CAMTA1: variants seen among roughly 807,000 people sequenced by gnomAD.
CAMTA1 encodes the protein calmodulin binding transcription activator 1.
A neutral mutation model predicts 170.9 loss-of-function variants in CAMTA1; 27 were observed. That is an observed-to-expected ratio of 0.16 (90% CI 0.12 to 0.22). CAMTA1 has a LOEUF of 0.22. Ranked by LOEUF, CAMTA1 falls within the 10% of genes least tolerant of loss-of-function variation. CAMTA1 has a pLI of 1.00. For synonymous variants in CAMTA1, 833 were observed against 891.5 expected (o/e 0.93, Z 1.17); for missense variants, 1,619 against 2,217.2 (o/e 0.73, Z 5.42).
chr1:7,247,693 C>T (rs925120843), intron 4 of CAMTA1, among the ~76,000 whole-genome samples: 4 of 152,224 alleles, frequency 2.6e-5, no homozygotes, highest in East Asian at 3.9e-4. Flanking sequence ...AAGCACAGTC[C>T]GTGGACCTCA....
At chr1:6,818,447 A>C (rs1416125850) in intron 1 of CAMTA1, among the ~76,000 whole-genome samples, 1 of 152,202 alleles carries the variant, frequency 6.6e-6, no homozygotes, top group African/African-American at 2.4e-5. Context: ...TGGTAACAAT[A>C]GTGTTTTGTA....
At chr1:6,895,635 C>G (rs930944793) in intron 3 of CAMTA1, among the ~76,000 whole-genome samples, 1 of 152,252 alleles carries the variant, frequency 6.6e-6, no homozygotes, top group Non-Finnish European at 1.5e-5. Flanking sequence ...TCTAAGCACC[C>G]TTCCCATACG....
chr1:7,002,074 T>A (rs1438426725), intron 3 of CAMTA1, among the ~76,000 whole-genome samples: 2 of 151,920 alleles, frequency 1.3e-5, no homozygotes, highest in Admixed American at 6.6e-5. Flanking sequence ...ATTTTTGTAT[T>A]TTTAGTAGAG....
At chr1:7,727,834 C>T (rs1275691174) in intron 11 of CAMTA1, among the ~76,000 whole-genome samples, 1 of 152,228 alleles carries the variant, frequency 6.6e-6, no homozygotes, top group African/African-American at 2.4e-5. Flanking sequence ...TCCATCTAAG[C>T]CTTACAACCT....
rs148743037 is a variant in CAMTA1 at position 7,658,099 on chromosome 1, A to G, written c.665-3627A>G. On this transcript the variant is annotated intron_variant, in intron 7 of 22. Transcript: ENST00000303635. ...GACCCAAGACCCTCAAGTGGGGTGT[A>G]GCCTGAAGGCCGAAGCCAGAGGTGG... 5.4e-3 allele frequency among the ~76,000 whole-genome samples: 824 copies of G among 152,316 alleles called. 10 individuals are homozygous for G. The highest frequency in any genetic ancestry group is 0.019 in the African/African-American group (790 of 41,576).
At chr1:7,522,862 G>C (rs945819686) in intron 6 of CAMTA1, among the ~76,000 whole-genome samples, 3 of 152,118 alleles carry the variant, frequency 2.0e-5, no homozygotes, top group Non-Finnish European at 2.9e-5. Flanking sequence ...CTGTTCTGTT[G>C]ATCTCTTTTT....
intron 4 of CAMTA1, among the ~76,000 whole-genome samples, chr1:7,101,152 G>A (rs567940211): frequency 6.6e-6 from 1 of 152,286 alleles, no homozygotes; most frequent in East Asian, 1.9e-4. Flanking sequence ...CGCCCCGCAG[G>A]CCCCGCAGTT....
chr1:7,291,078 G>C, intron 5 of CAMTA1, among the ~76,000 whole-genome samples: 1 of 152,172 alleles, frequency 6.6e-6, no homozygotes, highest in Admixed American at 6.5e-5. Flanking sequence ...TGCCGGGACT[G>C]CTGTGGAAGG....
At chr1:7,149,574 T>C (rs1646445703) in intron 4 of CAMTA1, among the ~76,000 whole-genome samples, 1 of 152,168 alleles carries the variant, frequency 6.6e-6, no homozygotes, top group Non-Finnish European at 1.5e-5. Context: ...CTGGGGCTGC[T>C]GGGGGATCCA....
At chr1:7,621,029 C>T (rs557671670) in intron 6 of CAMTA1, among the ~76,000 whole-genome samples, 3 of 152,104 alleles carry the variant, frequency 2.0e-5, no homozygotes, top group Middle Eastern at 3.4e-3. Flanking sequence ...AGGGAAAGGC[C>T]GTAGGGTCAG....
At chr1:7,013,497 G>A (rs894216528) in intron 3 of CAMTA1, among the ~76,000 whole-genome samples, 1 of 152,158 alleles carries the variant, frequency 6.6e-6, no homozygotes, top group Non-Finnish European at 1.5e-5. Flanking sequence ...ACAGGCGTGA[G>A]CCACCACACC....
intron 1 of CAMTA1, among the ~76,000 whole-genome samples, chr1:6,810,472 G>A (rs1014825262): frequency 1.5e-4 from 23 of 152,210 alleles, no homozygotes; most frequent in African/African-American, 5.5e-4. Context: ...GAAGCAACTT[G>A]CTAGGTCCAG....
rs1331898372 is a variant in CAMTA1 at position 7,500,088 on chromosome 1, T to C, written c.510+32187T>C. 2.1e-5 allele frequency among the ~76,000 whole-genome samples: 3 copies of C among 144,598 alleles called. No individual in the cohort carries two copies. In the East Asian group the frequency reaches 6.5e-4, roughly 31 times the overall value. The allele number at this position is 144,598 out of a possible 152,430, so 94.9% of individuals were successfully genotyped here. On this transcript the variant is annotated intron_variant, in intron 6 of 22. Coordinates refer to ENST00000303635, the MANE Select transcript of CAMTA1 (RefSeq NM_015215.4). ...ATATGAGTGTGTGTGTGCATGTGTGTCCATGAGTGTGTAGAAGATTGTGTG... is the reference window on the plus strand; with the variant it reads ...ATATGAGTGTGTGTGTGCATGTGTGCCCATGAGTGTGTAGAAGATTGTGTG...
chr1:7,310,600 T>TTTTCTTTCTTTC (rs372673213), intron 5 of CAMTA1, among the ~76,000 whole-genome samples: 3 of 54,550 alleles, frequency 5.5e-5, no homozygotes, highest in Non-Finnish European at 9.6e-5. Context: ...TTTTCTTTTC[T>TTTTCTTTCTTTC]TTTCTTTCTT....
At chr1:6,845,315 G>A (rs919043263) in intron 3 of CAMTA1, among the ~76,000 whole-genome samples, 3 of 152,186 alleles carry the variant, frequency 2.0e-5, no homozygotes, top group Admixed American at 2.0e-4. Flanking sequence ...GGACAAGCTG[G>A]AACCCTCTGG....
rs1673686602 is a variant in CAMTA1 at position 6,887,980 on chromosome 1, AG to A, written c.234+62772del. 2.5e-6 allele frequency: 3 copies of A among 1,204,526 alleles called. No homozygotes were observed. The South Asian group carries it at 6.2e-5, about 25-fold the overall frequency. The allele number at this position is 1,204,526 out of a possible 1,614,324, so 74.6% of individuals were successfully genotyped here. A position where few individuals can be genotyped will look rare whatever the true frequency, so the allele number is the denominator to read the frequency against. On this transcript the variant is annotated intron_variant, in intron 3 of 22. Transcript: ENST00000303635. This position sits in a 1 kb window ranked among gnomAD's most constrained non-coding sequence, Gnocchi z 4.1. ...TCTGTGCACACGCCTCCTGGTCCAG[AG>A]GCCTCCGTGACCATCCATGATGCCA...
At chr1:7,524,853 C>G (rs746276063) in intron 6 of CAMTA1, among the ~76,000 whole-genome samples, 1 of 152,064 alleles carries the variant, frequency 6.6e-6, no homozygotes, top group Non-Finnish European at 1.5e-5. Flanking sequence ...TGTCCTCTAC[C>G]CCACCGATCC....
At chr1:7,657,681 A>G (rs991923959) in intron 7 of CAMTA1, among the ~76,000 whole-genome samples, 1 of 152,178 alleles carries the variant, frequency 6.6e-6, no homozygotes, top group Admixed American at 6.5e-5. Flanking sequence ...GAAGCAGAGC[A>G]TGACATGTTA....
In CAMTA1 at chr1:6,934,150, C is replaced by T. The variant is rs1211079748; in HGVS notation, c.234+108940C>T. Among the ~76,000 whole-genome samples the T allele has an allele frequency of 2.6e-5, 4 of 152,146 alleles. No individual in the cohort carries two copies. Among genetic ancestry groups the T allele is most frequent in the Admixed American group, 6.5e-5 (1 of 15,284 alleles). ...TGACTGAGGGGCCAGCGCCCGTGGTCGGCAGAAGGGGAGGTTATTGGTATT... is the reference window on the plus strand; with the variant it reads ...TGACTGAGGGGCCAGCGCCCGTGGTTGGCAGAAGGGGAGGTTATTGGTATT... On this transcript the variant is annotated intron_variant, in intron 3 of 22. Transcript: ENST00000303635. This position sits in a 1 kb window ranked among gnomAD's most constrained non-coding sequence, Gnocchi z 4.5.
Sources: gnomAD v4.1 joint callset for allele counts (sites outside exome capture counted in the v4.1 genomes callset) on GRCh38, gnomAD v4.1.1 for gene constraint, Gnocchi (gnomAD v3.1) non-coding constraint, MANE v1.5 for transcripts, NCBI Gene and HGNC (gene_info 2026-07-23, HGNC 2026-07-21) for gene names.